PDE2A: variants seen among roughly 807,000 people sequenced by gnomAD.
The protein encoded by PDE2A is phosphodiesterase 2A.
PDE2A carries 53 observed loss-of-function variants against 133.6 expected under a neutral mutation model. The ratio of observed to expected loss-of-function variants is 0.40; its 90% CI spans 0.32 to 0.50. The LOEUF (loss-of-function observed/expected upper bound fraction) is 0.50, where lower values mean the gene tolerates loss of function less well. Among genes scored for constraint, PDE2A ranks in the 20% least tolerant of loss-of-function variants. PDE2A has a pLI of 0.73. For missense variants in PDE2A, 796 were observed against 1,232.4 expected, an observed-to-expected ratio of 0.65 and a Z score of 5.30; for synonymous variants, 491 against 490.2, an observed-to-expected ratio of 1.00 and a Z score of -0.02.
chr11:72,653,142 A>G (rs1365309830), intron 1 of PDE2A, among the ~76,000 whole-genome samples: 1 of 152,156 alleles, frequency 6.6e-6, no homozygotes, highest in Non-Finnish European at 1.5e-5. Context: ...GGGGCTTCCG[A>G]GGCAGCCAGC....
At chr11:72,668,809 T>C (rs1462926713) in intron 1 of PDE2A, among the ~76,000 whole-genome samples, 1 of 152,218 alleles carries the variant, frequency 6.6e-6, no homozygotes, top group Non-Finnish European at 1.5e-5. Context: ...TGGCCACACT[T>C]CTCTGAGAAA....
At chr11:72,628,831 T>C (rs1382048027) in intron 2 of PDE2A, among the ~76,000 whole-genome samples, 1 of 152,184 alleles carries the variant, frequency 6.6e-6, no homozygotes. Context: ...AGGCTCCCAG[T>C]CCCTTTTCCC....
chr11:72,578,547 T>C lies in PDE2A; in HGVS notation c.2470-33A>G, dbSNP rs1383712432. The C allele has an allele frequency of 1.9e-6, 3 of 1,580,338 alleles. No homozygotes were observed. The highest frequency in any genetic ancestry group is 2.6e-6 in the Non-Finnish European group (3 of 1,149,520). On this transcript the variant is annotated intron_variant, in intron 28 of 30. Coordinates refer to ENST00000334456, the MANE Select transcript of PDE2A (RefSeq NM_002599.5). This position sits in a 1 kb window ranked among gnomAD's most constrained non-coding sequence, Gnocchi z 4.2. ...GCCAACACTCTCATCACATCCTCTA[T>C]GTAGGATACATCCACCCAAGCTCCT...
At position 72,639,170 on chromosome 11, in the gene PDE2A, C is replaced by T. The variant is rs34273765; in HGVS notation, c.144+3084G>A. 9.4e-3 allele frequency among the ~76,000 whole-genome samples: 1,425 copies of T among 152,324 alleles called. 10 individuals carry two copies. Among genetic ancestry groups the T allele is most frequent in the Middle Eastern group, 0.02 (6 of 294 alleles). On this transcript the variant is annotated intron_variant, in intron 2 of 30. Transcript: ENST00000334456. ...CAGCTCTCTCTGGAAGGTATGACCT[C>T]GATCCCCCTACAGACTGCGTCAGTC...
At chr11:72,596,671 G>C in intron 5 of PDE2A, 23 bp from the exon 6 acceptor site, 1 of 1,409,516 alleles carries the variant, frequency 7.1e-7, no homozygotes, top group South Asian at 1.7e-5. Flanking sequence ...GGGCAATGAG[G>C]TGCTCCTGCA....
intron 2 of PDE2A, chr11:72,636,159 G>T (rs781537455): frequency 8.7e-7 from 1 of 1,147,306 alleles, no homozygotes; most frequent in Admixed American, 2.6e-5. Context: ...GGGCCCTGCC[G>T]GCTACTCTCA....
chr11:72,638,558 G>A (rs1048357478), intron 2 of PDE2A, among the ~76,000 whole-genome samples: 6 of 152,222 alleles, frequency 3.9e-5, no homozygotes, highest in African/African-American at 1.4e-4. Context: ...CTGACAGCAT[G>A]GCTGGACACA....
In PDE2A at chr11:72,584,600, G is replaced by A; in HGVS notation, c.1488C>T (p.Gly496=). 1.2e-6 allele frequency: 2 copies of A among 1,612,644 alleles called. No individual in the cohort carries two copies. The highest frequency in any genetic ancestry group is 1.7e-6 in the Non-Finnish European group (2 of 1,180,024). ...AGCAGAGGATGTTGCGCGTGCGGAA[G>A]CCGGTGCTGTCGTCCACGCCGCGGT... ...LFYRGVDDST[G]FRTRNILCFP... Residue 496 remains glycine, a synonymous_variant, in exon 18 of 31, where the codon GGC becomes GGT. Coordinates refer to ENST00000334456, the MANE Select transcript of PDE2A (RefSeq NM_002599.5).
intron 1 of PDE2A, among the ~76,000 whole-genome samples, chr11:72,672,400 C>T (rs1027226604): frequency 7.6e-4 from 116 of 152,248 alleles, no homozygotes; most frequent in African/African-American, 2.6e-3. Flanking sequence ...TGGCCAGTCT[C>T]GTCTCAAACT....
At chr11:72,631,417 T>A (rs1858376357) in intron 2 of PDE2A, among the ~76,000 whole-genome samples, 2 of 152,064 alleles carry the variant, frequency 1.3e-5, no homozygotes, top group Non-Finnish European at 2.9e-5. Context: ...GACCACCTCT[T>A]TACTCTTTCT....
At chr11:72,640,023 C>T (rs952971599) in intron 2 of PDE2A, among the ~76,000 whole-genome samples, 6 of 152,088 alleles carry the variant, frequency 3.9e-5, no homozygotes, top group African/African-American at 1.2e-4. Flanking sequence ...ACACCCCCAA[C>T]ACACACACCG....
At position 72,590,606 on chromosome 11, in the gene PDE2A, G is replaced by A. The variant is rs570063771; in HGVS notation, c.550-26C>T. The stretch of plus-strand genomic sequence containing the variant: ...CTGGGGCAGGCCGAGCGGTTAGCGC[G>A]CCGCTCGCCCCAAGCTCGCTGCGCT... On this transcript the variant is annotated intron_variant, in intron 7 of 30. Transcript: ENST00000334456. This position sits in a 1 kb window ranked among gnomAD's most constrained non-coding sequence, Gnocchi z 4.8. 2 of 1,350,624 alleles carry A rather than the reference G, an allele frequency of 1.5e-6. No individual in the cohort carries two copies. The highest frequency in any genetic ancestry group is 1.9e-5 in the South Asian group (1 of 53,894). 83.7% of individuals were successfully genotyped at this position (1,350,624 alleles called of 1,614,324 possible).
At chr11:72,583,200 A>G (rs1347432023) in intron 20 of PDE2A, among the ~76,000 whole-genome samples, 1 of 152,198 alleles carries the variant, frequency 6.6e-6, no homozygotes, top group African/African-American at 2.4e-5. Flanking sequence ...ACCTGGCTGA[A>G]CCAATTACTC....
At chr11:72,662,159 G>T (rs916705786) in intron 1 of PDE2A, among the ~76,000 whole-genome samples, 2 of 152,222 alleles carry the variant, frequency 1.3e-5, no homozygotes, top group African/African-American at 4.8e-5. Flanking sequence ...GGGGCAGGGA[G>T]GTGCCGGAGC....
At chr11:72,608,795 C>G (rs2135361560) in intron 2 of PDE2A, 44 bp from the exon 3 acceptor site, 2 of 1,115,034 alleles carry the variant, frequency 1.8e-6, no homozygotes, top group East Asian at 5.1e-5. Context: ...CCAGGCAGGC[C>G]AGGGCAGCCC....
At chr11:72,600,728 C>A (rs1856706723) in intron 4 of PDE2A, among the ~76,000 whole-genome samples, 1 of 152,124 alleles carries the variant, frequency 6.6e-6, no homozygotes, top group Non-Finnish European at 1.5e-5. Flanking sequence ...GCCTTCCAGG[C>A]TCATGCTGGG....
rs1260473977 is a variant in PDE2A at position 72,590,763 on chromosome 11, C to T, written c.550-183G>A. On this transcript the variant is annotated intron_variant, in intron 7 of 30. Coordinates refer to ENST00000334456, the MANE Select transcript of PDE2A (RefSeq NM_002599.5). This position sits in a 1 kb window ranked among gnomAD's most constrained non-coding sequence, Gnocchi z 4.8. ...AGGGCTCCCCCGGGGGCTCCCACAG[C>T]CCCTGGAGCGTCCGGCGGTCCAGGA... Among the ~76,000 whole-genome samples, 1 of 152,212 alleles carries T rather than the reference C, an allele frequency of 6.6e-6. No homozygotes were observed. Among genetic ancestry groups the T allele is most frequent in the African/African-American group, 2.4e-5 (1 of 41,452 alleles).
chr11:72,671,481 C>T (rs1855383286), intron 1 of PDE2A, among the ~76,000 whole-genome samples: 1 of 152,086 alleles, frequency 6.6e-6, no homozygotes, highest in African/African-American at 2.4e-5. Flanking sequence ...GCTGGGAGCT[C>T]TTCCCCCCAC....
chr11:72,600,035 G>A (rs1345006309), intron 4 of PDE2A, among the ~76,000 whole-genome samples: 2 of 152,250 alleles, frequency 1.3e-5, no homozygotes, highest in Non-Finnish European at 2.9e-5. Flanking sequence ...CAATTGTGAA[G>A]GCTTGGAGGC....
Sources: allele counts gnomAD v4.1 joint callset (sites outside exome capture counted in the v4.1 genomes callset), GRCh38; gene constraint gnomAD v4.1.1; non-coding constraint Gnocchi (gnomAD v3.1); transcripts MANE v1.5; gene names NCBI Gene and HGNC (gene_info 2026-07-23, HGNC 2026-07-21).